The following PTPRN2 variants were observed in gnomAD, a reference collection of about 807,000 sequenced individuals.
The protein encoded by PTPRN2 is receptor-type tyrosine-protein phosphatase N2.
A neutral mutation model predicts 118.8 loss-of-function variants in PTPRN2; 74 were observed. The observed-to-expected ratio is 0.62, with a 90% CI of 0.52 to 0.76. The LOEUF is 0.76. PTPRN2 is among the 30% of genes least tolerant of loss of function. The pLI, the probability that PTPRN2 is intolerant of heterozygous loss-of-function variation, is 0.00. For synonymous variants in PTPRN2, 641 were observed against 608.0 expected (o/e 1.05, Z -0.80); for missense variants, 1,481 against 1,394.4 (o/e 1.06, Z -0.99).
intron 2 of PTPRN2, among the ~76,000 whole-genome samples, chr7:158,341,989 T>G (rs1792062497): frequency 2.1e-5 from 3 of 144,320 alleles, no homozygotes; most frequent in Non-Finnish European, 3.0e-5. Context: ...ACTCTCACCA[T>G]AAGAGGTGAC....
chr7:158,489,735 C>G lies in PTPRN2; in HGVS notation c.163G>C (p.Asp55His). Residue 55 changes from aspartate (D) to histidine (H), a missense_variant and splice_region_variant, in exon 2 of 23, where the codon GAT becomes CAT. Asp to His is a moderately conservative substitution (Grantham distance 81). This residue lies in a region of PTPRN2 where 1,115 missense variants were observed against 994.2 expected (regional missense o/e 1.12). Coordinates refer to ENST00000389418, the MANE Select transcript of PTPRN2 (RefSeq NM_002847.5). ...LCGASEACVN[D>H]GVFGRCQKVP... The stretch of plus-strand genomic sequence containing the variant: ...GCAGCAGCCAGGACCCCACACTCAC[C>G]GTTCACACAGGCCTCGGACGCTCCG... The G allele has an allele frequency of 6.3e-7, 1 of 1,581,234 alleles. No individual in the cohort carries two copies. Among genetic ancestry groups the G allele is most frequent in the Non-Finnish European group, 8.6e-7 (1 of 1,165,034 alleles).
chr7:157,961,766 G>A (rs1214330378), intron 11 of PTPRN2, among the ~76,000 whole-genome samples: 5 of 152,160 alleles, frequency 3.3e-5, no homozygotes, highest in African/African-American at 9.7e-5. Flanking sequence ...TAGTAAATTC[G>A]GCACTCATAT....
rs1563485450 is a variant in PTPRN2, at chr7:158,133,776, C to A, written c.1457G>T (p.Ser486Ile). 6.2e-7 allele frequency: 1 copy of A among 1,613,888 alleles called. No homozygotes were observed. Among genetic ancestry groups the A allele is most frequent in the Non-Finnish European group, 8.5e-7 (1 of 1,180,044 alleles). The change falls in exon 9 of 23, where the codon AGC becomes ATC. Residue 486 changes from serine to isoleucine, a missense_variant. Coordinates refer to ENST00000389418, the MANE Select transcript of PTPRN2 (RefSeq NM_002847.5). Reference sequence around the variant, plus strand: ...GGCCTCCTGAGCACCCGCTGGAAGGCTCTGCTCCTCCTTCGAGGGCCCAGG... The same window carrying A: ...GGCCTCCTGAGCACCCGCTGGAAGGATCTGCTCCTCCTTCGAGGGCCCAGG... ...QMPGPSKEEQ[S>I]LPAGAQEALS...
chr7:157,711,766 G>C lies in PTPRN2; in HGVS notation c.1789-28829C>G, dbSNP rs532213379. On this transcript the variant is annotated intron_variant, in intron 12 of 22. Transcript: ENST00000389418. ...AGTTCTGCCGGGTTAACCTCAGGGG[G>C]CATATGTGTCTCTCCCATGGCCGTC... 3.9e-4 allele frequency among the ~76,000 whole-genome samples: 60 copies of C among 152,196 alleles called. No individual in the cohort carries two copies. In the South Asian group the frequency reaches 0.01, roughly 26 times the overall value.
Position 157,700,597 on chromosome 7 carries a change from G to A in PTPRN2, c.1789-17660C>T, listed in dbSNP as rs578214110. On this transcript the variant is annotated intron_variant, in intron 12 of 22. Transcript: ENST00000389418. ...GGCGGCTGGCCTCCTGCAGTCCTGG[G>A]GTCTGGTCCCCTCCATCCACCACCC... Among the ~76,000 whole-genome samples, 4 of 152,164 alleles carry A rather than the reference G, an allele frequency of 2.6e-5. No individual in the cohort carries two copies. The East Asian group carries it at 7.7e-4, about 29-fold the overall frequency.
intron 11 of PTPRN2, among the ~76,000 whole-genome samples, chr7:157,948,440 A>C (rs574651545): frequency 6.6e-6 from 1 of 152,182 alleles, no homozygotes; most frequent in East Asian, 1.9e-4. Context: ...GAAAATAACA[A>C]AAAGAAATGT....
rs373586107 is a variant in PTPRN2 at position 157,794,282 on chromosome 7, G to T, written c.1788+104391C>A. Among the ~76,000 whole-genome samples, 3 of 150,496 alleles carry T rather than the reference G, an allele frequency of 2.0e-5. No homozygotes were observed. In the South Asian group the frequency reaches 6.5e-4, roughly 33 times the overall value. On this transcript the variant is annotated intron_variant, in intron 12 of 22. Coordinates refer to ENST00000389418, the MANE Select transcript of PTPRN2 (RefSeq NM_002847.5). This position sits in a 1 kb window ranked among gnomAD's most constrained non-coding sequence, Gnocchi z 5.2. The stretch of plus-strand genomic sequence containing the variant: ...TCCCCTCGTTCTCTGCTCCGACCCG[G>T]GCTCACACCTCCCCTCGTTCTCTGC...
At chr7:157,984,689 G>A (rs1266541902) in intron 11 of PTPRN2, among the ~76,000 whole-genome samples, 3 of 152,080 alleles carry the variant, frequency 2.0e-5, no homozygotes, top group East Asian at 3.9e-4. Flanking sequence ...AGCTGACCAC[G>A]CGGTGAGGCT....
At chr7:157,733,985 G>A (rs1426976046) in intron 12 of PTPRN2, among the ~76,000 whole-genome samples, 1 of 67,244 alleles carries the variant, frequency 1.5e-5, no homozygotes, top group Non-Finnish European at 2.9e-5. Context: ...CGTCCCATGC[G>A]CCCAGCACAG....
chr7:158,270,191 A>G (rs1224472912), intron 3 of PTPRN2, among the ~76,000 whole-genome samples: 1 of 152,256 alleles, frequency 6.6e-6, no homozygotes, highest in Non-Finnish European at 1.5e-5. Flanking sequence ...TCAGGCCAGC[A>G]GTGACTCAGG....
intron 6 of PTPRN2, among the ~76,000 whole-genome samples, chr7:158,150,939 A>C (rs1820963487): frequency 6.6e-6 from 1 of 151,494 alleles, no homozygotes; most frequent in African/African-American, 2.4e-5. Flanking sequence ...AGAAGCTGGG[A>C]AATATTATTC....
rs963535426 is a variant in PTPRN2 at position 158,570,966 on chromosome 7, A to T, written c.112+16592T>A. On this transcript the variant is annotated intron_variant, in intron 1 of 22. Coordinates refer to ENST00000389418, the MANE Select transcript of PTPRN2 (RefSeq NM_002847.5). The surrounding 1 kb of genome is among the most constrained non-coding windows in gnomAD (Gnocchi z 4.5). ...CCCGGGTCCCGGATGGCAAAGCCAT[A>T]CGCAGGAGCCTTCCCAGCAGCCGCC... Among the ~76,000 whole-genome samples, 2 of 152,236 alleles carry T rather than the reference A, an allele frequency of 1.3e-5. No individual in the cohort carries two copies. Among genetic ancestry groups the T allele is most frequent in the African/African-American group, 4.8e-5 (2 of 41,466 alleles).
chr7:158,188,211 CG>C lies in PTPRN2; in HGVS notation c.549+4115del, dbSNP rs1563576455. Among the ~76,000 whole-genome samples, 178 of 78,564 alleles carry C rather than the reference CG, an allele frequency of 2.3e-3. 21 individuals are homozygous for C. Among genetic ancestry groups the C allele is most frequent in the East Asian group, 4.8e-3 (7 of 1,458 alleles). The allele number at this position is 78,564 out of a possible 152,430, so 51.5% of individuals were successfully genotyped here. On this transcript the variant is annotated intron_variant, in intron 5 of 22. Transcript: ENST00000389418. Reference sequence around the variant, plus strand: ...CGATGGGGAAGGCCGCCACGCTCGCCGCCTGATGGGGAAGGCCGCCACGCTT... The same window carrying C: ...CGATGGGGAAGGCCGCCACGCTCGCCCCTGATGGGGAAGGCCGCCACGCTT...
At position 158,544,489 on chromosome 7, in the gene PTPRN2, T is replaced by A. The variant is rs183789653; in HGVS notation, c.112+43069A>T. 4.6e-5 allele frequency among the ~76,000 whole-genome samples: 7 copies of A among 152,154 alleles called. No individual in the cohort carries two copies. The East Asian group carries it at 1.4e-3, about 29-fold the overall frequency. Reference sequence around the variant, plus strand: ...TGTCTCTAATAAAAATACAAAAAAATTAGCCTGGTGTGGTGGCACATGCCT... The same window carrying A: ...TGTCTCTAATAAAAATACAAAAAAAATAGCCTGGTGTGGTGGCACATGCCT... On this transcript the variant is annotated intron_variant, in intron 1 of 22. Coordinates refer to ENST00000389418, the MANE Select transcript of PTPRN2 (RefSeq NM_002847.5). The surrounding 1 kb of genome is among the most constrained non-coding windows in gnomAD (Gnocchi z 4.2).
intron 12 of PTPRN2, among the ~76,000 whole-genome samples, chr7:157,890,315 T>A (rs992275370): frequency 6.6e-6 from 1 of 152,206 alleles, no homozygotes; most frequent in Non-Finnish European, 1.5e-5. Context: ...CCAAAACTGT[T>A]GTTCTCAAGC....
At chr7:158,432,460 A>G (rs965520160) in intron 2 of PTPRN2, among the ~76,000 whole-genome samples, 1 of 152,164 alleles carries the variant, frequency 6.6e-6, no homozygotes, top group African/African-American at 2.4e-5. Context: ...CAGGAGGGGG[A>G]GGGTGCAAGC....
At chr7:157,612,307 A>G (rs1294971631) in intron 15 of PTPRN2, among the ~76,000 whole-genome samples, 1 of 152,126 alleles carries the variant, frequency 6.6e-6, no homozygotes, top group Non-Finnish European at 1.5e-5. Flanking sequence ...GATATCAGAC[A>G]GGCAGGGCCA....
At chr7:158,266,474 T>TG (rs959736610) in intron 3 of PTPRN2, among the ~76,000 whole-genome samples, 1 of 151,530 alleles carries the variant, frequency 6.6e-6, no homozygotes, top group African/African-American at 2.4e-5. Context: ...GCAGTGAAGC[T>TG]GGGGACGGTG....
At chr7:158,332,851 G>A (rs1287910615) in intron 2 of PTPRN2, among the ~76,000 whole-genome samples, 15 of 146,628 alleles carry the variant, frequency 1.0e-4, no homozygotes, top group African/African-American at 2.9e-4. Flanking sequence ...ACATGCAAAC[G>A]TCACTCACAC....
Sources: gnomAD v4.1 joint callset for allele counts (sites outside exome capture counted in the v4.1 genomes callset) on GRCh38, gnomAD v4.1.1 for gene constraint, gnomAD v4.1.1 regional missense constraint, Gnocchi (gnomAD v3.1) non-coding constraint, MANE v1.5 for transcripts, NCBI Gene and HGNC (gene_info 2026-07-23, HGNC 2026-07-21) for gene names.